TRPM3: variants seen among roughly 807,000 people sequenced by gnomAD.
The protein encoded by TRPM3 is long transient receptor potential channel 3.
TRPM3 carries 77 observed loss-of-function variants against 181.2 expected under a neutral mutation model. The ratio of observed to expected loss-of-function variants is 0.42; its 90% CI spans 0.35 to 0.51. The LOEUF is 0.51. Ranked by LOEUF, TRPM3 falls within the 20% of genes least tolerant of loss-of-function variation. The pLI is 0.01. For missense variants in TRPM3, 1,759 were observed against 2,196.7 expected (o/e 0.80, Z 3.98); for synonymous variants, 745 against 796.4 (o/e 0.94, Z 1.09).
chr9:71,059,760 C>T (rs1257686747), intron 1 of TRPM3, among the ~76,000 whole-genome samples: 1 of 152,004 alleles, frequency 6.6e-6, no homozygotes, highest in Non-Finnish European at 1.5e-5. Context: ...TGTCAACCTG[C>T]CCTACATATT....
At chr9:71,032,014 A>G (rs1409387694) in intron 1 of TRPM3, among the ~76,000 whole-genome samples, 1 of 53,268 alleles carries the variant, frequency 1.9e-5, no homozygotes, top group Non-Finnish European at 3.9e-5. Flanking sequence ...TATAATATAT[A>G]ATATATATAT....
chr9:70,529,423 G>A lies in TRPM3; in HGVS notation c.*6530C>T, dbSNP rs1267275670. 1 of 152,170 alleles carries A rather than the reference G, an allele frequency of 6.6e-6. No individual in the cohort carries two copies. The highest frequency in any genetic ancestry group is 2.4e-5 in the African/African-American group (1 of 41,450). 9.4% of individuals were successfully genotyped at this position (152,170 alleles called of 1,614,324 possible). A position where few individuals can be genotyped will look rare whatever the true frequency, so the allele number is the denominator to read the frequency against. On this transcript the variant is annotated 3_prime_UTR_variant, in exon 26 of 26. Transcript: ENST00000677713. ...AACTAGGGTTAGAACGTTTACAAAT[G>A]AGAGTCTAGGTCCTATATTATGAAA...
intron 1 of TRPM3, among the ~76,000 whole-genome samples, chr9:71,035,801 G>T (rs2058110474): frequency 6.6e-6 from 1 of 151,934 alleles, no homozygotes; most frequent in Admixed American, 6.6e-5. Flanking sequence ...CTGTAGTAAG[G>T]ACCTCTCAGA....
At chr9:71,307,730 G>A (rs901544222) in intron 1 of TRPM3, among the ~76,000 whole-genome samples, 1 of 152,020 alleles carries the variant, frequency 6.6e-6, no homozygotes, top group Non-Finnish European at 1.5e-5. Flanking sequence ...CCCACTAGAA[G>A]TATGTCTATT....
chr9:71,281,224 G>C (rs1299288650), intron 1 of TRPM3, among the ~76,000 whole-genome samples: 1 of 152,210 alleles, frequency 6.6e-6, no homozygotes, highest in Admixed American at 6.5e-5. Flanking sequence ...CTGTGTCATG[G>C]AAGAAGCTGA....
chr9:71,029,131 A>G (rs181120746), intron 1 of TRPM3, among the ~76,000 whole-genome samples: 89 of 152,332 alleles, frequency 5.8e-4, no homozygotes, highest in Admixed American at 3.6e-3. Context: ...AAATTAAGGC[A>G]GTAACCAAGA....
At chr9:70,674,129 G>A (rs2063523054) in intron 9 of TRPM3, among the ~76,000 whole-genome samples, 1 of 152,120 alleles carries the variant, frequency 6.6e-6, no homozygotes, top group Non-Finnish European at 1.5e-5. Context: ...ACAGGAAAGA[G>A]GGGCAGCAAG....
chr9:70,701,171 T>A (rs979683819), intron 8 of TRPM3, among the ~76,000 whole-genome samples: 10 of 152,312 alleles, frequency 6.6e-5, no homozygotes, highest in Admixed American at 6.5e-4. Flanking sequence ...TGAAAACGTT[T>A]CTAAAAAGGA....
chr9:71,104,621 G>C (rs1051253893), intron 1 of TRPM3, among the ~76,000 whole-genome samples: 1 of 152,084 alleles, frequency 6.6e-6, no homozygotes. Flanking sequence ...ATGCATCTTA[G>C]TCTCCAACCA....
intron 1 of TRPM3, among the ~76,000 whole-genome samples, chr9:71,191,451 G>C (rs2078015458): frequency 6.6e-6 from 1 of 151,714 alleles, no homozygotes; most frequent in Admixed American, 6.6e-5. Flanking sequence ...CATGGTCTGT[G>C]CTAGAAGCTT....
intron 22 of TRPM3, among the ~76,000 whole-genome samples, chr9:70,576,508 C>CTTT (rs897195308): frequency 4.3e-5 from 6 of 138,912 alleles, no homozygotes; most frequent in African/African-American, 1.4e-4. Flanking sequence ...CCTCCTTCTT[C>CTTT]TTTTTTTTTT....
At chr9:70,904,132 G>C (rs2096428401) in intron 1 of TRPM3, among the ~76,000 whole-genome samples, 2 of 152,074 alleles carry the variant, frequency 1.3e-5, no homozygotes, top group African/African-American at 4.8e-5. Flanking sequence ...TGAGGTGAGA[G>C]GATCACCTGA....
At chr9:70,886,314 C>T (rs1255400005) in intron 1 of TRPM3, among the ~76,000 whole-genome samples, 1 of 152,278 alleles carries the variant, frequency 6.6e-6, no homozygotes, top group East Asian at 1.9e-4. Flanking sequence ...CGTGGAGCAT[C>T]GTTGGTGGAA....
chr9:70,962,692 CAGTA>C (rs1181896861), intron 1 of TRPM3, among the ~76,000 whole-genome samples: 1 of 152,008 alleles, frequency 6.6e-6, no homozygotes, highest in Non-Finnish European at 1.5e-5. Context: ...AAATTACAAA[CAGTA>C]AGAGACAAAC....
intron 1 of TRPM3, among the ~76,000 whole-genome samples, chr9:71,291,041 C>T (rs2085766376): frequency 6.6e-6 from 1 of 152,052 alleles, no homozygotes; most frequent in Admixed American, 6.6e-5. Context: ...CAAATATATA[C>T]TATTAACGAA....
intron 10 of TRPM3, among the ~76,000 whole-genome samples, chr9:70,639,576 T>G (rs1263276524): frequency 1.3e-5 from 2 of 152,136 alleles, no homozygotes; most frequent in African/African-American, 2.4e-5. Context: ...TTGTTATCCT[T>G]AGGCTCTGAG....
At chr9:71,143,436 G>C (rs1438024074) in intron 1 of TRPM3, among the ~76,000 whole-genome samples, 2 of 152,052 alleles carry the variant, frequency 1.3e-5, no homozygotes, top group African/African-American at 2.4e-5. Context: ...GGGAATATGT[G>C]GTATTTGGTT....
chr9:70,952,172 T>C (rs1287564197), intron 1 of TRPM3, among the ~76,000 whole-genome samples: 1 of 152,222 alleles, frequency 6.6e-6, no homozygotes, highest in Non-Finnish European at 1.5e-5. Flanking sequence ...ATGGCATTAA[T>C]GAAAACAGAT....
chr9:71,316,585 T>C (rs1011912317), intron 1 of TRPM3, among the ~76,000 whole-genome samples: 4 of 152,066 alleles, frequency 2.6e-5, no homozygotes, highest in Admixed American at 1.3e-4. Flanking sequence ...AGACGTAACA[T>C]TGCTGTCTTT....
Sources: gnomAD v4.1 joint callset for allele counts (sites outside exome capture counted in the v4.1 genomes callset) on GRCh38, gnomAD v4.1.1 for gene constraint, MANE v1.5 for transcripts, NCBI Gene and HGNC (gene_info 2026-07-23, HGNC 2026-07-21) for gene names.